Variants in ADD2 observed in about 807,000 individuals in gnomAD.
The protein encoded by ADD2 is beta-adducin.
A neutral mutation model predicts 83.0 loss-of-function variants in ADD2; 23 were observed. The ratio of observed to expected loss-of-function variants is 0.28; its 90% CI spans 0.20 to 0.39. The LOEUF is 0.39. Ranked by LOEUF, ADD2 falls within the 10% of genes least tolerant of loss-of-function variation. The pLI, the probability that ADD2 is intolerant of heterozygous loss-of-function variation, is 1.00. For missense variants in ADD2, 758 were observed against 944.9 expected (o/e 0.80, Z 2.59); for synonymous variants, 375 against 375.4 (o/e 1.00, Z 0.01).
In ADD2 at chr2:70,676,046, C is replaced by T; in HGVS notation, c.1593+750G>A. On this transcript the variant is annotated intron_variant, in intron 13 of 15. Transcript: ENST00000264436. The surrounding 1 kb of genome is among the most constrained non-coding windows in gnomAD (Gnocchi z 4.8). ...GGGCACCCACCCTGTGGGCTGCAGT[C>T]TTGACCTGAAATCATTGCATCATCA... The T allele has an allele frequency of 2.0e-6, 2 of 985,430 alleles. No homozygotes were observed. Among genetic ancestry groups the T allele is most frequent in the Non-Finnish European group, 2.4e-6 (2 of 829,944 alleles). The allele number at this position is 985,430 out of a possible 1,614,324, so 61.0% of individuals were successfully genotyped here. A position where few individuals can be genotyped will look rare whatever the true frequency, so the allele number is the denominator to read the frequency against.
chr2:70,688,231 C>A, intron 8 of ADD2, 109 bp from the exon 9 acceptor site: 2 of 803,228 alleles, frequency 2.5e-6, no homozygotes, highest in South Asian at 1.8e-5. Flanking sequence ...ATCCCAGGGC[C>A]CCTTCTCCCA....
chr2:70,683,271 C>T (rs1553369869), intron 10 of ADD2, among the ~76,000 whole-genome samples: 1 of 152,058 alleles, frequency 6.6e-6, no homozygotes, highest in East Asian at 1.9e-4. Flanking sequence ...TTGTGATCTG[C>T]CTGCCTCGGC....
At chr2:70,731,029 C>A (rs1378575270) in intron 1 of ADD2, among the ~76,000 whole-genome samples, 3 of 152,188 alleles carry the variant, frequency 2.0e-5, no homozygotes, top group African/African-American at 7.2e-5. Context: ...CTTCATACAT[C>A]AATGCGGCCA....
In ADD2 at chr2:70,676,851, G is replaced by T; in HGVS notation, c.1538C>A (p.Ala513Glu). 6.2e-7 allele frequency: 1 copy of T among 1,614,034 alleles called. No homozygotes were observed. Among genetic ancestry groups the T allele is most frequent in the Non-Finnish European group, 8.5e-7 (1 of 1,179,930 alleles). ...REQNRQDVKS[A>E]GPQSQLLASV... ...CGCCAGGAGCTGGGACTGAGGCCCC[G>T]CTGACTTCACATCTTGTCGGTTTTG... The change falls in exon 13 of 16, where the codon GCG (alanine) becomes GAG (glutamate). Residue 513 changes from alanine to glutamate, a missense_variant. Coordinates refer to ENST00000264436, the MANE Select transcript of ADD2 (RefSeq NM_001617.4). This position sits in a 1 kb window ranked among gnomAD's most constrained non-coding sequence, Gnocchi z 4.8.
At chr2:70,704,285 A>G in intron 4 of ADD2, 36 bp downstream of exon 4, 1 of 377,626 alleles carries the variant, frequency 2.6e-6, no homozygotes, top group Non-Finnish European at 4.4e-6. Context: ...CCTCCCCTCC[A>G]CCTCTGCTCC....
chr2:70,730,391 C>T (rs1673221406), intron 1 of ADD2, among the ~76,000 whole-genome samples: 1 of 152,216 alleles, frequency 6.6e-6, no homozygotes, highest in African/African-American at 2.4e-5. Flanking sequence ...CAGATGCATG[C>T]AAGTTAAACA....
chr2:70,687,996 G>A (rs1553370815), intron 9 of ADD2, 28 bp downstream of exon 9: 1 of 1,595,808 alleles, frequency 6.3e-7, no homozygotes, highest in East Asian at 2.2e-5. Context: ...CCCACTCCTG[G>A]GCCCACTTTC....
chr2:70,676,967 G>T lies in ADD2; in HGVS notation c.1504-82C>A. 6.4e-7 allele frequency: 1 copy of T among 1,554,154 alleles called. No individual in the cohort carries two copies. The highest frequency in any genetic ancestry group is 1.4e-5 in the African/African-American group (1 of 73,736). ...TGGGAGGGGGCATACGGGTGTGCCT[G>T]GGGTCTAGAAAGGTCCTCTAGCGGT... is the stretch of plus-strand genomic sequence containing the variant. On this transcript the variant is annotated intron_variant, in intron 12 of 15. Coordinates refer to ENST00000264436, the MANE Select transcript of ADD2 (RefSeq NM_001617.4). The surrounding 1 kb of genome is among the most constrained non-coding windows in gnomAD (Gnocchi z 4.8).
chr2:70,761,228 T>TA (rs1553384837), intron 1 of ADD2, among the ~76,000 whole-genome samples: 163 of 58,446 alleles, frequency 2.8e-3, no homozygotes, highest in African/African-American at 0.027. Context: ...CATGCATTAC[T>TA]TTTTTTTTTT....
intron 7 of ADD2, chr2:70,691,852 G>C (rs28597868): frequency 0.33 from 50,222 of 151,372 alleles, 8,565 homozygotes; most frequent in East Asian, 0.44. Flanking sequence ...GGTAGGGTTC[G>C]GGGGGAGTAC....
intron 6 of ADD2, among the ~76,000 whole-genome samples, chr2:70,693,828 G>A (rs374746093): frequency 6.6e-6 from 1 of 152,200 alleles, no homozygotes; most frequent in African/African-American, 2.4e-5. Flanking sequence ...TTGGATGTGT[G>A]ATCTGTTGTC....
At chr2:70,703,411 G>T (rs1281411565) in intron 4 of ADD2, among the ~76,000 whole-genome samples, 1 of 152,130 alleles carries the variant, frequency 6.6e-6, no homozygotes, top group Non-Finnish European at 1.5e-5. Context: ...CAGGGTAGAG[G>T]AAATGGGCAC....
intron 15 of ADD2, among the ~76,000 whole-genome samples, chr2:70,668,690 C>T (rs544649213): frequency 7.2e-5 from 11 of 152,268 alleles, no homozygotes; most frequent in South Asian, 2.1e-4. Context: ...CTTCTGTGGC[C>T]GTGCACTGGG....
Position 70,683,962 on chromosome 2 carries a change from T to C in ADD2, c.949-195A>G, listed in dbSNP as rs143652114. Among the ~76,000 whole-genome samples, 712 of 152,336 alleles carry C rather than the reference T, an allele frequency of 4.7e-3. 8 individuals carry two copies. Among genetic ancestry groups the C allele is most frequent in the African/African-American group, 0.016 (682 of 41,572 alleles). ...CTATTAGTTTATTTTCTGATGCCAG[T>C]TCTTAGAGATTATAAAGAAGGAAAC... is the stretch of plus-strand genomic sequence containing the variant. On this transcript the variant is annotated intron_variant, in intron 9 of 15. Coordinates refer to ENST00000264436, the MANE Select transcript of ADD2 (RefSeq NM_001617.4).
chr2:70,741,768 A>G (rs575129352), intron 1 of ADD2, among the ~76,000 whole-genome samples: 60 of 152,334 alleles, frequency 3.9e-4, no homozygotes, highest in Admixed American at 3.6e-3. Context: ...ATGGACATGC[A>G]ACAGGAGCAA....
intron 2 of ADD2, among the ~76,000 whole-genome samples, chr2:70,707,548 G>A (rs1282761615): frequency 5.2e-5 from 1 of 19,294 alleles, no homozygotes; most frequent in African/African-American, 2.4e-4. Flanking sequence ...TCACTTCCCG[G>A]CAGTGGGAAT....
At chr2:70,679,882 G>A (rs1480210198) in intron 10 of ADD2, among the ~76,000 whole-genome samples, 1 of 151,868 alleles carries the variant, frequency 6.6e-6, no homozygotes, top group African/African-American at 2.4e-5. Context: ...AATTGTTTAT[G>A]TTCTCAGCCC....
intron 1 of ADD2, among the ~76,000 whole-genome samples, chr2:70,724,038 T>C (rs1409905722): frequency 6.6e-6 from 1 of 152,228 alleles, no homozygotes; most frequent in African/African-American, 2.4e-5. Context: ...AAGTGCCCAG[T>C]GATGAGGCCA....
chr2:70,759,360 G>A (rs72903847), intron 1 of ADD2, among the ~76,000 whole-genome samples: 6,138 of 152,206 alleles, frequency 0.04, 386 homozygotes, highest in African/African-American at 0.14. Context: ...CTGGTGAAGT[G>A]ATCAGAATCA....
Sources: gnomAD v4.1 joint callset for allele counts (sites outside exome capture counted in the v4.1 genomes callset) on GRCh38, gnomAD v4.1.1 for gene constraint, Gnocchi (gnomAD v3.1) non-coding constraint, MANE v1.5 for transcripts, NCBI Gene and HGNC (gene_info 2026-07-23, HGNC 2026-07-21) for gene names.